Variants in RNF220 observed in about 807,000 individuals in gnomAD.
RNF220 encodes ring finger protein 220.
In RNF220, 7 loss-of-function variants were observed where a neutral mutation model predicts 67.1. The ratio of observed to expected loss-of-function variants is 0.10; its 90% CI spans 0.06 to 0.20. The LOEUF (loss-of-function observed/expected upper bound fraction) is 0.20. Ranked by LOEUF, RNF220 falls within the 10% of genes least tolerant of loss-of-function variation. The pLI is 1.00. For missense variants in RNF220, 565 were observed against 740.3 expected (o/e 0.76, Z 2.75); for synonymous variants, 270 against 283.2 (o/e 0.95, Z 0.47).
At chr1:44,618,315 C>G (rs979338088) in intron 3 of RNF220, among the ~76,000 whole-genome samples, 2 of 152,236 alleles carry the variant, frequency 1.3e-5, no homozygotes, top group African/African-American at 2.4e-5. Flanking sequence ...TTCCAACACA[C>G]AGATGTGCCC....
chr1:44,514,875 A>G (rs1659331312), intron 2 of RNF220, among the ~76,000 whole-genome samples: 1 of 152,188 alleles, frequency 6.6e-6, no homozygotes, highest in South Asian at 2.1e-4. Context: ...GTAACCTCTC[A>G]TGCTCCAGAT....
At chr1:44,513,060 C>A (rs1007204996) in intron 2 of RNF220, among the ~76,000 whole-genome samples, 1 of 152,192 alleles carries the variant, frequency 6.6e-6, no homozygotes, top group African/African-American at 2.4e-5. Context: ...TGACTCTCTG[C>A]CCCCACTGCA....
intron 2 of RNF220, among the ~76,000 whole-genome samples, chr1:44,515,468 C>T (rs551948305): frequency 6.6e-6 from 1 of 152,258 alleles, no homozygotes; most frequent in East Asian, 1.9e-4. Flanking sequence ...GAAGTCATTG[C>T]TTGTGGTGAG....
chr1:44,620,932 T>TTTTTTTTTTTTTTTTG (rs1643766109), intron 3 of RNF220, among the ~76,000 whole-genome samples: 1 of 148,964 alleles, frequency 6.7e-6, no homozygotes, highest in Non-Finnish European at 1.5e-5. Context: ...TTTTTTTTTT[T>TTTTTTTTTTTTTTTTG]GAGACAAAGT....
At chr1:44,584,129 T>C (rs113709902) in intron 2 of RNF220, among the ~76,000 whole-genome samples, 2,711 of 152,314 alleles carry the variant, frequency 0.018, 96 homozygotes, top group African/African-American at 0.062. Context: ...CCTGAAGACC[T>C]GGGAACTCCA....
At chr1:44,580,080 AAAAG>A (rs1459346216) in intron 2 of RNF220, among the ~76,000 whole-genome samples, 2 of 150,574 alleles carry the variant, frequency 1.3e-5, no homozygotes, top group Non-Finnish European at 3.0e-5. Context: ...AGAAAGAAAG[AAAAG>A]AAAAGAAAAA....
At chr1:44,641,645 T>G (rs1644493142) in intron 8 of RNF220, among the ~76,000 whole-genome samples, 1 of 152,238 alleles carries the variant, frequency 6.6e-6, no homozygotes, top group African/African-American at 2.4e-5. Context: ...TTATTATGAT[T>G]CTGCCAGAAG....
Position 44,635,887 on chromosome 1 carries a change from A to G in RNF220, c.994-143A>G, listed in dbSNP as rs753241887. 1.3e-5 allele frequency: 18 copies of G among 1,423,822 alleles called. No homozygotes were observed. In the African/African-American group the frequency reaches 1.7e-4, roughly 14 times the overall value. The allele number at this position is 1,423,822 out of a possible 1,614,324, so 88.2% of individuals were successfully genotyped here. Reference sequence around the variant, plus strand: ...AGAGGCCCAGGTCTTTGACCTCTAAATTGGTTTGCTTCAAAGGAGCCCTAG... The same window carrying G: ...AGAGGCCCAGGTCTTTGACCTCTAAGTTGGTTTGCTTCAAAGGAGCCCTAG... On this transcript the variant is annotated intron_variant, in intron 7 of 14. Coordinates refer to ENST00000361799, the MANE Select transcript of RNF220 (RefSeq NM_018150.4).
At chr1:44,560,021 G>A (rs1347823231) in intron 2 of RNF220, among the ~76,000 whole-genome samples, 1 of 152,166 alleles carries the variant, frequency 6.6e-6, no homozygotes, top group Non-Finnish European at 1.5e-5. Context: ...CGGCTCTCTG[G>A]CTTCTGTCCT....
At chr1:44,560,137 T>C (rs1444402792) in intron 2 of RNF220, among the ~76,000 whole-genome samples, 1 of 152,202 alleles carries the variant, frequency 6.6e-6, no homozygotes, top group African/African-American at 2.4e-5. Flanking sequence ...TGGGGAGGAC[T>C]CCCAGTGAGT....
At chr1:44,557,319 T>C (rs1475290254) in intron 2 of RNF220, among the ~76,000 whole-genome samples, 1 of 150,856 alleles carries the variant, frequency 6.6e-6, no homozygotes, top group African/African-American at 2.4e-5. Context: ...CTAGGTATTC[T>C]TTCTAGACCA....
At chr1:44,519,937 T>G (rs1399534935) in intron 2 of RNF220, among the ~76,000 whole-genome samples, 1 of 151,994 alleles carries the variant, frequency 6.6e-6, no homozygotes, top group Non-Finnish European at 1.5e-5. Context: ...GATGACATGA[T>G]CAGATCCATA....
chr1:44,607,399 C>T (rs949162013), intron 2 of RNF220, among the ~76,000 whole-genome samples: 1 of 152,208 alleles, frequency 6.6e-6, no homozygotes, highest in Non-Finnish European at 1.5e-5. Context: ...GCACTCTGCC[C>T]CTCACTCTCT....
chr1:44,421,170 G>A (rs937081032), intron 2 of RNF220, among the ~76,000 whole-genome samples: 2 of 152,218 alleles, frequency 1.3e-5, no homozygotes, highest in Non-Finnish European at 2.9e-5. Flanking sequence ...GAGAAACTGA[G>A]TCTGGGAGTC....
intron 2 of RNF220, among the ~76,000 whole-genome samples, chr1:44,449,384 T>C (rs2147924161): frequency 6.6e-6 from 1 of 152,260 alleles, no homozygotes; most frequent in African/African-American, 2.4e-5. Flanking sequence ...ACCCTCTTCT[T>C]CACGCCATCT....
At chr1:44,461,250 A>G (rs76138622) in intron 2 of RNF220, among the ~76,000 whole-genome samples, 2,384 of 152,290 alleles carry the variant, frequency 0.016, 70 homozygotes, top group African/African-American at 0.053. Flanking sequence ...TTATCCTTCT[A>G]GAAGTGGATT....
At chr1:44,440,045 G>A (rs1168104397) in intron 2 of RNF220, among the ~76,000 whole-genome samples, 1 of 152,042 alleles carries the variant, frequency 6.6e-6, no homozygotes, top group Non-Finnish European at 1.5e-5. Flanking sequence ...TGAAGAGTGG[G>A]GAAATACATT....
intron 2 of RNF220, among the ~76,000 whole-genome samples, chr1:44,561,553 G>A (rs1235410836): frequency 1.3e-5 from 2 of 152,202 alleles, no homozygotes; most frequent in Admixed American, 6.5e-5. Flanking sequence ...TCTAGGCCAA[G>A]AGAGGTGGAT....
intron 8 of RNF220, among the ~76,000 whole-genome samples, chr1:44,639,416 T>C (rs895296888): frequency 5.3e-5 from 8 of 152,216 alleles, no homozygotes; most frequent in Admixed American, 1.3e-4. Context: ...ATGGGAATGA[T>C]TGGTTTCAAA....
Sources: gnomAD v4.1 joint callset for allele counts (sites outside exome capture counted in the v4.1 genomes callset) on GRCh38, gnomAD v4.1.1 for gene constraint, MANE v1.5 for transcripts, NCBI Gene and HGNC (gene_info 2026-07-23, HGNC 2026-07-21) for gene names.